The following HIKESHI variants were observed in gnomAD, a reference collection of about 807,000 sequenced individuals.
HIKESHI encodes protein Hikeshi.
Under a neutral mutation model 25.7 loss-of-function variants are expected in HIKESHI, and 13 were observed. That is an observed-to-expected ratio of 0.51 (90% confidence interval 0.33 to 0.80). The LOEUF (loss-of-function observed/expected upper bound fraction) is 0.80, where lower values mean the gene tolerates loss of function less well. Ranked by LOEUF, HIKESHI falls within the 30% of genes least tolerant of loss-of-function variation. The pLI, the probability that HIKESHI is intolerant of heterozygous loss-of-function variation, is 0.02. For synonymous variants in HIKESHI, 76 were observed against 78.7 expected (o/e 0.97, Z 0.18); for missense variants, 174 against 229.5 (o/e 0.76, Z 1.56).
chr11:86,313,377 C>T (rs936143366), intron 2 of HIKESHI, among the ~76,000 whole-genome samples: 2 of 152,194 alleles, frequency 1.3e-5, no homozygotes, highest in East Asian at 1.9e-4. Flanking sequence ...ATTACAGGCA[C>T]CCGCCACCAC....
intron 2 of HIKESHI, among the ~76,000 whole-genome samples, chr11:86,319,175 A>C (rs1028907014): frequency 2.1e-4 from 30 of 146,130 alleles, no homozygotes; most frequent in African/African-American, 7.6e-4. Flanking sequence ...GCCTTCCAGA[A>C]GTGCTGGGAT....
rs149971822 is a variant in HIKESHI at position 86,322,186 on chromosome 11, C to T, written c.269-15193C>T. ...TTTTTTTTAGTAGAGAGGGTTTCAC[C>T]GTGCTGGTCAGGCTGATCTCGAACT... On this transcript the variant is annotated intron_variant, in intron 2 of 4. Coordinates refer to ENST00000278483, the MANE Select transcript of HIKESHI (RefSeq NM_016401.4). Among the ~76,000 whole-genome samples, 1,233 of 152,094 alleles carry T rather than the reference C, an allele frequency of 8.1e-3. 9 individuals carry two copies. Among genetic ancestry groups the T allele is most frequent in the South Asian group, 0.013 (63 of 4,810 alleles).
chr11:86,325,098 A>G (rs963328715), intron 2 of HIKESHI, among the ~76,000 whole-genome samples: 4 of 151,912 alleles, frequency 2.6e-5, no homozygotes, highest in Non-Finnish European at 4.4e-5. Flanking sequence ...GGATCACTTG[A>G]GCCTAGGAGG....
chr11:86,317,988 A>G (rs1446518433), intron 2 of HIKESHI, among the ~76,000 whole-genome samples: 1 of 152,076 alleles, frequency 6.6e-6, no homozygotes, highest in Non-Finnish European at 1.5e-5. Flanking sequence ...CAAAACTGAA[A>G]TAATTTACTT....
At chr11:86,316,847 G>A (rs1424559619) in intron 2 of HIKESHI, among the ~76,000 whole-genome samples, 1 of 121,918 alleles carries the variant, frequency 8.2e-6, no homozygotes, top group Non-Finnish European at 1.6e-5. Context: ...AGGCTGGAGT[G>A]CAGTGGCACA....
chr11:86,336,329 C>A (rs1947559430), intron 2 of HIKESHI, among the ~76,000 whole-genome samples: 3 of 152,126 alleles, frequency 2.0e-5, no homozygotes, highest in Non-Finnish European at 1.5e-5. Flanking sequence ...ATGTTTGTGT[C>A]TTTTTATATG....
rs80189718 is a variant in HIKESHI, at chr11:86,345,288, T to G, written c.540-296T>G. The G allele has an allele frequency of 1.6e-3, 598 of 382,514 alleles. 18 individuals carry two copies. In the East Asian group the frequency reaches 0.041, roughly 26 times the overall value. The allele number at this position is 382,514 out of a possible 1,614,324, so 23.7% of individuals were successfully genotyped here. On this transcript the variant is annotated intron_variant, in intron 4 of 4. Coordinates refer to ENST00000278483, the MANE Select transcript of HIKESHI (RefSeq NM_016401.4). ...GGAATGAGGAAATAGGAGTTGAATTTGATTTTTTTCCTTAGGTCCCTTCTA... is the reference window on the plus strand; with the variant it reads ...GGAATGAGGAAATAGGAGTTGAATTGGATTTTTTTCCTTAGGTCCCTTCTA...
intron 2 of HIKESHI, among the ~76,000 whole-genome samples, chr11:86,312,812 T>A (rs291202): frequency 0.61 from 92,941 of 151,928 alleles, 28,638 homozygotes; most frequent in East Asian, 0.79. Context: ...CTCCTTCACT[T>A]ATGAAGCTTA....
intron 2 of HIKESHI, among the ~76,000 whole-genome samples, chr11:86,319,327 T>C (rs1947091216): frequency 6.8e-6 from 1 of 147,510 alleles, no homozygotes; most frequent in South Asian, 2.1e-4. Context: ...AGCCTCAAGC[T>C]CCAGGGCTCA....
chr11:86,331,905 A>G (rs1947435078), intron 2 of HIKESHI, among the ~76,000 whole-genome samples: 1 of 151,668 alleles, frequency 6.6e-6, no homozygotes, highest in Non-Finnish European at 1.5e-5. Context: ...GTTTCTGTGT[A>G]GTTTTTTAGC....
intron 2 of HIKESHI, among the ~76,000 whole-genome samples, chr11:86,319,967 C>T (rs1029806722): frequency 2.6e-5 from 4 of 152,078 alleles, no homozygotes; most frequent in African/African-American, 4.8e-5. Context: ...TCTGTAAAGT[C>T]TGTAGAGATA....
At chr11:86,302,850 T>C (rs1381454039) in intron 1 of HIKESHI, among the ~76,000 whole-genome samples, 1 of 152,194 alleles carries the variant, frequency 6.6e-6, no homozygotes, top group Non-Finnish European at 1.5e-5. Context: ...CAGAACTAAG[T>C]TCAATCGCCA....
chr11:86,318,413 G>C (rs1429785976), intron 2 of HIKESHI, among the ~76,000 whole-genome samples: 1 of 151,284 alleles, frequency 6.6e-6, no homozygotes, highest in Non-Finnish European at 1.5e-5. Flanking sequence ...GCCATCAGAT[G>C]GGTTTACAAA....
chr11:86,309,281 T>C (rs780012020), intron 2 of HIKESHI, among the ~76,000 whole-genome samples: 7 of 152,186 alleles, frequency 4.6e-5, no homozygotes, highest in Non-Finnish European at 5.9e-5. Context: ...TGAGATGGTA[T>C]CTCATTGTGG....
chr11:86,306,860 C>T (rs562202588), intron 2 of HIKESHI, among the ~76,000 whole-genome samples: 3 of 151,314 alleles, frequency 2.0e-5, no homozygotes, highest in South Asian at 2.1e-4. Flanking sequence ...ATTAGCCGGG[C>T]GTGGTGGTGG....
At chr11:86,341,534 G>A (rs951652441) in intron 3 of HIKESHI, among the ~76,000 whole-genome samples, 10 of 141,510 alleles carry the variant, frequency 7.1e-5, no homozygotes, top group Admixed American at 2.3e-4. Context: ...TTGCTCTGTC[G>A]CCTAGGCTGG....
chr11:86,327,513 G>A (rs868636185), intron 2 of HIKESHI, among the ~76,000 whole-genome samples: 2 of 151,884 alleles, frequency 1.3e-5, no homozygotes, highest in South Asian at 2.1e-4. Flanking sequence ...ACGGGGTTTC[G>A]CCTTCTTAGC....
At chr11:86,341,743 G>A (rs560930104) in intron 3 of HIKESHI, among the ~76,000 whole-genome samples, 2 of 152,018 alleles carry the variant, frequency 1.3e-5, no homozygotes, top group African/African-American at 2.4e-5. Context: ...TGGACCTATT[G>A]TATAGCCATA....
chr11:86,311,465 G>C (rs963543819), intron 2 of HIKESHI, among the ~76,000 whole-genome samples: 1 of 151,940 alleles, frequency 6.6e-6, no homozygotes, highest in Non-Finnish European at 1.5e-5. Context: ...TTCTTTGTTA[G>C]TCTTGCTAGT....
Sources: allele counts gnomAD v4.1 joint callset (sites outside exome capture counted in the v4.1 genomes callset), GRCh38; gene constraint gnomAD v4.1.1; transcripts MANE v1.5; gene names NCBI Gene and HGNC (gene_info 2026-07-23, HGNC 2026-07-21).